Variants in OCA2 observed in about 807,000 individuals in gnomAD.
OCA2 encodes the protein OCA2 melanosomal transmembrane protein, also known as P protein.
A neutral mutation model predicts 100.2 loss-of-function variants in OCA2; 77 were observed. That is an observed-to-expected ratio of 0.77 (90% CI 0.64 to 0.93). The LOEUF (loss-of-function observed/expected upper bound fraction) is 0.93, where lower values mean the gene tolerates loss of function less well. OCA2 is among the 40% of genes least tolerant of loss of function. The probability of loss-of-function intolerance (pLI) is 0.00; values close to 1 mark genes in which losing one functional copy is unlikely to be tolerated. For missense variants in OCA2, 1,062 were observed against 1,089.1 expected (o/e 0.98, Z 0.35); for synonymous variants, 432 against 439.2 (o/e 0.98, Z 0.21).
intron 21 of OCA2, among the ~76,000 whole-genome samples, chr15:27,853,277 C>G (rs1167023325): frequency 1.5e-5 from 2 of 134,074 alleles, no homozygotes; most frequent in Non-Finnish European, 3.2e-5. Context: ...TTTGTAGGGA[C>G]ATGGATGAAA....
chr15:27,913,838 GGAAAGAAAGAAAGAAAGAAA>G (rs367919609), intron 19 of OCA2, among the ~76,000 whole-genome samples: 5 of 37,038 alleles, frequency 1.3e-4, no homozygotes, highest in Non-Finnish European at 2.3e-4. Flanking sequence ...AAGAAAGAAA[GGAAAGAAAGAAAGAAAGAAA>G]GAAAGAAAGA....
chr15:27,741,136 A>G, the OCA2 span, among the ~76,000 whole-genome samples: 2 of 152,214 alleles, frequency 1.3e-5, no homozygotes, highest in Non-Finnish European at 1.5e-5. Flanking sequence ...CCTCACCAAG[A>G]CAAAATGTCT....
chr15:28,092,338 A>G (rs77220070), intron 1 of OCA2, among the ~76,000 whole-genome samples: 3,338 of 152,284 alleles, frequency 0.022, 121 homozygotes, highest in African/African-American at 0.077. Flanking sequence ...CTCAGTGAAT[A>G]TACTGAAAAA....
intron 19 of OCA2, among the ~76,000 whole-genome samples, chr15:27,912,770 T>C (rs1404154285): frequency 3.3e-5 from 5 of 152,184 alleles, no homozygotes; most frequent in African/African-American, 4.8e-5. Flanking sequence ...AAAAACACAA[T>C]GTTAGTATAA....
intron 19 of OCA2, among the ~76,000 whole-genome samples, chr15:27,874,636 G>C (rs900622693): frequency 6.6e-6 from 1 of 152,198 alleles, no homozygotes; most frequent in Non-Finnish European, 1.5e-5. Context: ...GAATGTAAAA[G>C]AGGAATTTTG....
At chr15:27,734,449 G>C in the OCA2 span, among the ~76,000 whole-genome samples, 22 of 152,180 alleles carry the variant, frequency 1.4e-4, no homozygotes, top group East Asian at 4.1e-3. Context: ...ATGTCTTCTT[G>C]GGGGAATGAG....
intron 19 of OCA2, among the ~76,000 whole-genome samples, chr15:27,900,382 T>C (rs559897606): frequency 1.2e-3 from 185 of 152,228 alleles, no homozygotes; most frequent in Non-Finnish European, 2.0e-3. Context: ...ACTCCCATAC[T>C]GGGAGCCTCC....
At chr15:27,817,208 G>T (rs959978021) in intron 23 of OCA2, among the ~76,000 whole-genome samples, 22 of 151,868 alleles carry the variant, frequency 1.4e-4, no homozygotes, top group African/African-American at 5.1e-4. Flanking sequence ...CATGAAGGAA[G>T]TTAAACCATC....
At chr15:28,006,713 G>A (rs774082901) in intron 9 of OCA2, among the ~76,000 whole-genome samples, 1 of 152,222 alleles carries the variant, frequency 6.6e-6, no homozygotes, top group Non-Finnish European at 1.5e-5. Context: ...TATGCAATAT[G>A]TTCCATGAAT....
At chr15:27,799,047 A>G (rs559267432) in intron 23 of OCA2, among the ~76,000 whole-genome samples, 1 of 152,364 alleles carries the variant, frequency 6.6e-6, no homozygotes, top group South Asian at 2.1e-4. Flanking sequence ...TTCATTAAAC[A>G]AGAGAGCTCT....
Position 27,770,548 on chromosome 15 carries a change from C to T in OCA2, c.2433-15076G>A, listed in dbSNP as rs575111798. Among the ~76,000 whole-genome samples the T allele has an allele frequency of 3.2e-3, 486 of 150,992 alleles. 4 individuals are homozygous for T. The highest frequency in any genetic ancestry group is 0.011 in the African/African-American group (440 of 41,140). On this transcript the variant is annotated intron_variant, in intron 23 of 23. Transcript: ENST00000354638. ...GGCTCGCCCTTCCTTCCTCCCTCGC[C>T]GCCGGGGAAGGTCCCCGATGGGCGC... is the stretch of plus-strand genomic sequence containing the variant.
intron 23 of OCA2, among the ~76,000 whole-genome samples, chr15:27,802,628 A>C (rs2033661347): frequency 6.6e-6 from 1 of 152,204 alleles, no homozygotes; most frequent in Non-Finnish European, 1.5e-5. Context: ...ACTCACATAC[A>C]TAACTAATTC....
intron 1 of OCA2, among the ~76,000 whole-genome samples, chr15:28,084,595 T>C (rs1023043871): frequency 6.6e-6 from 1 of 152,214 alleles, no homozygotes; most frequent in Non-Finnish European, 1.5e-5. Context: ...TCAACTGGGT[T>C]GTCTGCTTGG....
chr15:27,891,998 G>T (rs2037481535), intron 19 of OCA2, among the ~76,000 whole-genome samples: 1 of 151,884 alleles, frequency 6.6e-6, no homozygotes, highest in Non-Finnish European at 1.5e-5. Context: ...TGATAAATAG[G>T]TCAATCCACC....
chr15:28,018,638 C>A, intron 6 of OCA2, 81 bp from the exon 7 acceptor site: 1 of 1,326,790 alleles, frequency 7.5e-7, no homozygotes, highest in South Asian at 1.2e-5. Context: ...ACACCCTCCT[C>A]TGACAGTGTG....
intron 2 of OCA2, among the ~76,000 whole-genome samples, chr15:28,033,896 T>A (rs1386877466): frequency 6.6e-6 from 1 of 152,188 alleles, no homozygotes; most frequent in African/African-American, 2.4e-5. Flanking sequence ...AGATGTTTTC[T>A]GATGCTCCCT....
At chr15:27,779,210 G>A (rs2151081323) in intron 23 of OCA2, among the ~76,000 whole-genome samples, 1 of 152,334 alleles carries the variant, frequency 6.6e-6, no homozygotes, top group East Asian at 1.9e-4. Flanking sequence ...CCTGGAGAAT[G>A]TTCCCTGTGT....
intron 21 of OCA2, among the ~76,000 whole-genome samples, chr15:27,860,950 A>G (rs778145254): frequency 6.6e-6 from 1 of 152,222 alleles, no homozygotes; most frequent in Non-Finnish European, 1.5e-5. Flanking sequence ...GCCATCGCCA[A>G]GACCTTGGGC....
rs61742223 is a variant in OCA2, at chr15:28,081,812, C to G, written c.63G>C (p.Gln21His). 20 of 1,612,286 alleles carry G rather than the reference C, an allele frequency of 1.2e-5. No individual in the cohort carries two copies. The highest frequency in any genetic ancestry group is 2.7e-5 in the African/African-American group (2 of 74,936). Residue 21 changes from glutamine (Q) to histidine (H), a missense_variant, in exon 2 of 24, where the codon CAG becomes CAC. Gln to His is a conservative substitution (Grantham distance 24, BLOSUM62 0). Transcript: ENST00000354638. ...YPGAPAVELL[Q>H]TSVPSGLAEL... Reference sequence around the variant, plus strand: ...CAGCGAGTCCGCTGGGCACGGACGTCTGCAGGAGCTCCACCGCCGGCGCGC... The same window carrying G: ...CAGCGAGTCCGCTGGGCACGGACGTGTGCAGGAGCTCCACCGCCGGCGCGC...
Sources: gnomAD v4.1 joint callset for allele counts (sites outside exome capture counted in the v4.1 genomes callset) on GRCh38, gnomAD v4.1.1 for gene constraint, MANE v1.5 for transcripts, NCBI Gene and HGNC (gene_info 2026-07-23, HGNC 2026-07-21) for gene names.